The following MAPK10 variants were observed in gnomAD, a reference collection of about 807,000 sequenced individuals.
The protein encoded by MAPK10 is JNK3 alpha protein kinase.
In MAPK10, 25 loss-of-function variants were observed where a neutral mutation model predicts 59.3. That is an observed-to-expected ratio of 0.42 (90% CI 0.31 to 0.59). The LOEUF is 0.59. Among genes scored for constraint, MAPK10 ranks in the 20% least tolerant of loss-of-function variants. MAPK10 has a pLI of 0.15. For synonymous variants in MAPK10, 190 were observed against 200.5 expected (o/e 0.95, Z 0.44); for missense variants, 351 against 568.9 (o/e 0.62, Z 3.90).
chr4:86,453,423 G>A (rs72663991), upstream of MAPK10: 4,665 of 152,416 alleles, frequency 0.031, 91 homozygotes, highest in Middle Eastern at 0.058. Context: ...CAATGGGAGT[G>A]AGACCAGCTG....
At chr4:86,468,526 G>GT (rs1752400144) in intron 1 of MAPK10, among the ~76,000 whole-genome samples, 1 of 152,162 alleles carries the variant, frequency 6.6e-6, no homozygotes, top group African/African-American at 2.4e-5. Flanking sequence ...AAACAGAATA[G>GT]TTTTTTCAAA....
chr4:86,567,384 C>T (rs1340942729), intron 1 of MAPK10, among the ~76,000 whole-genome samples: 3 of 152,224 alleles, frequency 2.0e-5, no homozygotes, highest in Admixed American at 6.5e-5. Context: ...CCACGCTTGG[C>T]TAATTTTGTA....
At chr4:86,224,792 G>A (rs2090325754) in intron 2 of MAPK10, among the ~76,000 whole-genome samples, 1 of 152,042 alleles carries the variant, frequency 6.6e-6, no homozygotes, top group African/African-American at 2.4e-5. Flanking sequence ...AGAAAATAAG[G>A]TCAGAGAATC....
chr4:86,299,574 T>G (rs1299698605), intron 2 of MAPK10, among the ~76,000 whole-genome samples: 1 of 152,292 alleles, frequency 6.6e-6, no homozygotes, highest in African/African-American at 2.4e-5. Context: ...CTGTGAGAAA[T>G]AAATTTCTGT....
intron 1 of MAPK10, among the ~76,000 whole-genome samples, chr4:86,372,552 G>GGA (rs1225762339): frequency 1.3e-4 from 2 of 15,562 alleles, no homozygotes; most frequent in African/African-American, 2.9e-4. Context: ...AAGAAAGAAA[G>GGA]AAAGAAAGAA....
intron 2 of MAPK10, among the ~76,000 whole-genome samples, chr4:86,264,428 A>G (rs1457732201): frequency 6.6e-6 from 1 of 152,208 alleles, no homozygotes; most frequent in Non-Finnish European, 1.5e-5. Context: ...ACTTCTCAGC[A>G]TGCATTAGAC....
At chr4:86,245,461 G>A (rs67768527) in intron 2 of MAPK10, among the ~76,000 whole-genome samples, 28,105 of 151,794 alleles carry the variant, frequency 0.19, 2,993 homozygotes, top group African/African-American at 0.29. Context: ...ACAGATGCAC[G>A]CCATCACACC....
chr4:86,471,254 G>C, intron 1 of MAPK10, among the ~76,000 whole-genome samples: 1 of 127,064 alleles, frequency 7.9e-6, no homozygotes. Flanking sequence ...GAGCGACACA[G>C]CAAGACTCTG....
chr4:86,017,517 G>A lies in MAPK10; in HGVS notation c.1253-147C>T. ...AGCCTTTATAGAGCAGCTGACATAG[G>A]GGAGCATATCAAATGGTGACAATCA... On this transcript the variant is annotated intron_variant, in intron 13 of 13. Coordinates refer to ENST00000641462, the MANE Select transcript of MAPK10 (RefSeq NM_138982.4). The surrounding 1 kb of genome is among the most constrained non-coding windows in gnomAD (Gnocchi z 4.4). 1 of 755,120 alleles carries A rather than the reference G, an allele frequency of 1.3e-6. No individual in the cohort carries two copies. The highest frequency in any genetic ancestry group is 2.2e-6 in the Non-Finnish European group (1 of 458,234). 46.8% of individuals were successfully genotyped at this position (755,120 alleles called of 1,614,324 possible).
chr4:86,197,271 T>C (rs900670534), intron 2 of MAPK10, among the ~76,000 whole-genome samples: 1 of 152,198 alleles, frequency 6.6e-6, no homozygotes, highest in African/African-American at 2.4e-5. Flanking sequence ...CTCTTCAAGG[T>C]CCTTCATATC....
chr4:86,248,314 C>G (rs747304795), intron 2 of MAPK10, among the ~76,000 whole-genome samples: 2 of 152,136 alleles, frequency 1.3e-5, no homozygotes, highest in African/African-American at 4.8e-5. Flanking sequence ...CGTTTGTTAA[C>G]ATCTTTTGTA....
intron 1 of MAPK10, among the ~76,000 whole-genome samples, chr4:86,416,888 C>G (rs931609349): frequency 2.6e-5 from 4 of 152,172 alleles, no homozygotes; most frequent in Admixed American, 6.5e-5. Flanking sequence ...GCTTTCCCCC[C>G]ACCATCTCAA....
chr4:86,354,573 C>A lies in MAPK10; in HGVS notation c.-50G>T. The A allele has an allele frequency of 2.4e-6, 3 of 1,231,454 alleles. No individual in the cohort carries two copies. The highest frequency in any genetic ancestry group is 3.0e-6 in the Non-Finnish European group (3 of 987,438). 76.3% of individuals were successfully genotyped at this position (1,231,454 alleles called of 1,614,324 possible). A position where few individuals can be genotyped will look rare whatever the true frequency, so the allele number is the denominator to read the frequency against. On this transcript the variant is annotated 5_prime_UTR_variant, in exon 2 of 14. It removes the in-frame stop codon of an upstream open reading frame in the 5' UTR. Coordinates refer to ENST00000641462, the MANE Select transcript of MAPK10 (RefSeq NM_138982.4). ...TCATCTATAGGAAACGGGTCTAATT[C>A]AACAGTTTCTTGCATAAGTTGCCAT...
At chr4:86,069,962 G>A (rs1343407490) in intron 9 of MAPK10, among the ~76,000 whole-genome samples, 1 of 152,046 alleles carries the variant, frequency 6.6e-6, no homozygotes, top group Non-Finnish European at 1.5e-5. Flanking sequence ...CAGATATTCT[G>A]GAATTTGTTA....
intron 1 of MAPK10, among the ~76,000 whole-genome samples, chr4:86,475,030 C>A (rs993304821): frequency 3.9e-5 from 6 of 152,176 alleles, no homozygotes; most frequent in African/African-American, 1.4e-4. Context: ...TTGTGACCCC[C>A]ACTCCTGCCT....
intron 3 of MAPK10, among the ~76,000 whole-genome samples, chr4:86,164,222 G>C (rs771181464): frequency 1.3e-5 from 2 of 152,054 alleles, no homozygotes; most frequent in African/African-American, 4.8e-5. Flanking sequence ...TTTATATTCT[G>C]TATGGTTCCA....
chr4:86,532,945 C>T (rs542475447), intron 1 of MAPK10, among the ~76,000 whole-genome samples: 10 of 152,276 alleles, frequency 6.6e-5, no homozygotes, highest in African/African-American at 2.2e-4. Flanking sequence ...ACCACAGTAT[C>T]CTACCTCTAC....
intron 1 of MAPK10, among the ~76,000 whole-genome samples, chr4:86,416,568 C>T (rs1246175462): frequency 2.6e-5 from 4 of 152,156 alleles, no homozygotes; most frequent in Non-Finnish European, 4.4e-5. Flanking sequence ...GGGGATTAGC[C>T]AGGGAGGATT....
intron 2 of MAPK10, among the ~76,000 whole-genome samples, chr4:86,331,783 G>A (rs2096161062): frequency 6.6e-6 from 1 of 152,078 alleles, no homozygotes; most frequent in African/African-American, 2.4e-5. Context: ...AATCAATCAT[G>A]AAATGAACCT....
Sources: gnomAD v4.1 joint callset for allele counts (sites outside exome capture counted in the v4.1 genomes callset) on GRCh38, gnomAD v4.1.1 for gene constraint, Gnocchi (gnomAD v3.1) non-coding constraint, MANE v1.5 for transcripts, NCBI Gene and HGNC (gene_info 2026-07-23, HGNC 2026-07-21) for gene names.